NRXN1: variants seen among roughly 807,000 people sequenced by gnomAD.
The protein encoded by NRXN1 is neurexin-1.
A neutral mutation model predicts 150.9 loss-of-function variants in NRXN1; 39 were observed. That is an observed-to-expected ratio of 0.26 (90% CI 0.20 to 0.34). The LOEUF is 0.34. Ranked by LOEUF, NRXN1 falls within the 10% of genes least tolerant of loss-of-function variation. The pLI is 1.00. For synonymous variants in NRXN1, 924 were observed against 757.0 expected (o/e 1.22, Z -3.62); for missense variants, 1,815 against 1,949.9 (o/e 0.93, Z 1.30).
intron 2 of NRXN1, among the ~76,000 whole-genome samples, chr2:50,983,698 G>T (rs1431611167): frequency 6.6e-6 from 1 of 151,886 alleles, no homozygotes; most frequent in East Asian, 1.9e-4. Context: ...CGTAAAAAAA[G>T]AAAAAACATA....
intron 19 of NRXN1, among the ~76,000 whole-genome samples, chr2:50,087,633 G>T (rs1048743275): frequency 6.6e-6 from 1 of 152,018 alleles, no homozygotes; most frequent in African/African-American, 2.4e-5. Context: ...AACTTTAAAT[G>T]GTTTGTAAAA....
intron 12 of NRXN1, among the ~76,000 whole-genome samples, chr2:50,518,162 T>A (rs1391397012): frequency 6.6e-6 from 1 of 152,046 alleles, no homozygotes; most frequent in Non-Finnish European, 1.5e-5. Context: ...AGAATTACAT[T>A]TACAACACAG....
intron 18 of NRXN1, among the ~76,000 whole-genome samples, chr2:50,109,749 C>T (rs144455334): frequency 6.6e-6 from 1 of 152,266 alleles, no homozygotes; most frequent in African/African-American, 2.4e-5. Context: ...GCTACCTTCA[C>T]TTTGGTTGAG....
intron 5 of NRXN1, among the ~76,000 whole-genome samples, chr2:50,700,255 G>A (rs909590542): frequency 6.6e-6 from 1 of 152,112 alleles, no homozygotes; most frequent in Non-Finnish European, 1.5e-5. Context: ...AGCTCCATTT[G>A]GAAAAGTAAC....
intron 2 of NRXN1, among the ~76,000 whole-genome samples, chr2:50,928,490 G>A (rs568439007): frequency 1.3e-5 from 2 of 152,128 alleles, no homozygotes; most frequent in Admixed American, 1.3e-4. Flanking sequence ...ACTGGTGGTA[G>A]CTCCAGCATT....
chr2:50,717,422 A>G (rs1019542155), intron 5 of NRXN1, among the ~76,000 whole-genome samples: 5 of 152,172 alleles, frequency 3.3e-5, no homozygotes, highest in African/African-American at 1.2e-4. Flanking sequence ...AGTTGGAACA[A>G]CATCTGTGTT....
At chr2:49,926,245 A>G (rs1203920920) in intron 22 of NRXN1, 3 of 397,770 alleles carry the variant, frequency 7.5e-6, no homozygotes, top group Non-Finnish European at 8.9e-6. Flanking sequence ...CCAAATGGCT[A>G]TAGAAAAATC....
At chr2:50,544,988 C>G (rs2093463588) in intron 9 of NRXN1, among the ~76,000 whole-genome samples, 1 of 151,928 alleles carries the variant, frequency 6.6e-6, no homozygotes, top group Non-Finnish European at 1.5e-5. Context: ...ATAATCTTGA[C>G]TATAGAAAAA....
At position 50,689,004 on chromosome 2, in the gene NRXN1, C is replaced by A. The variant is rs189165580; in HGVS notation, c.833-65389G>T. On this transcript the variant is annotated intron_variant, in intron 5 of 22. Coordinates refer to ENST00000401669, the MANE Select transcript of NRXN1 (RefSeq NM_001330078.2). The stretch of plus-strand genomic sequence containing the variant: ...GACTTATAAAAATAAATATACATAC[C>A]CCTTTACTACTAATAGTAGGGTTTT... Among the ~76,000 whole-genome samples the A allele has an allele frequency of 2.5e-3, 374 of 152,112 alleles. 1 individual carries two copies. The highest frequency in any genetic ancestry group is 4.5e-3 in the Non-Finnish European group (309 of 68,008).
At chr2:50,285,612 A>C (rs73930331) in intron 17 of NRXN1, among the ~76,000 whole-genome samples, 5,326 of 152,280 alleles carry the variant, frequency 0.035, 331 homozygotes, top group African/African-American at 0.12. Context: ...TATAACTAAA[A>C]GACTGAGAGA....
rs569361117 is a variant in NRXN1, at chr2:49,928,064, G to A, written c.4217-5813C>T. On this transcript the variant is annotated intron_variant, in intron 22 of 22. Coordinates refer to ENST00000401669, the MANE Select transcript of NRXN1 (RefSeq NM_001330078.2). The stretch of plus-strand genomic sequence containing the variant: ...AATGGAAATTCAGCTTTTGAGCTTT[G>A]AGAAAAAGATTGTAAGAAACTACCA... Among the ~76,000 whole-genome samples, 15 of 151,470 alleles carry A rather than the reference G, an allele frequency of 9.9e-5. No homozygotes were observed. In the South Asian group the frequency reaches 3.1e-3, roughly 32 times the overall value.
At chr2:50,969,645 G>T (rs1189418593) in intron 2 of NRXN1, among the ~76,000 whole-genome samples, 1 of 152,140 alleles carries the variant, frequency 6.6e-6, no homozygotes, top group African/African-American at 2.4e-5. Flanking sequence ...AATAAAAAGA[G>T]TTTTAAAATC....
At chr2:50,676,812 A>G (rs1290524619) in intron 5 of NRXN1, among the ~76,000 whole-genome samples, 1 of 152,200 alleles carries the variant, frequency 6.6e-6, no homozygotes, top group East Asian at 1.9e-4. Flanking sequence ...TAAAGAGAAA[A>G]TAAGCTATTT....
intron 5 of NRXN1, among the ~76,000 whole-genome samples, chr2:50,817,411 A>G (rs1170143643): frequency 6.6e-6 from 1 of 150,910 alleles, no homozygotes; most frequent in Non-Finnish European, 1.5e-5. Context: ...GCACTGGAGA[A>G]TTACACAAAA....
intron 17 of NRXN1, among the ~76,000 whole-genome samples, chr2:50,414,618 C>T (rs920115064): frequency 1.3e-5 from 2 of 151,922 alleles, no homozygotes; most frequent in Admixed American, 1.3e-4. Flanking sequence ...TACTATCCTT[C>T]TTAATTCATA....
chr2:50,227,371 C>G (rs868401801), intron 18 of NRXN1, among the ~76,000 whole-genome samples: 2 of 151,938 alleles, frequency 1.3e-5, no homozygotes, highest in South Asian at 4.1e-4. Flanking sequence ...GACAACTGAA[C>G]AGGGAGCCCA....
intron 2 of NRXN1, among the ~76,000 whole-genome samples, chr2:50,954,727 A>C (rs2104625015): frequency 6.6e-6 from 1 of 152,338 alleles, no homozygotes; most frequent in East Asian, 1.9e-4. Flanking sequence ...CCAGTTCTTT[A>C]TAAACTGTGA....
intron 5 of NRXN1, among the ~76,000 whole-genome samples, chr2:50,666,109 G>C (rs1240960280): frequency 2.0e-5 from 3 of 151,934 alleles, no homozygotes; most frequent in African/African-American, 7.2e-5. Flanking sequence ...TGTCACTACA[G>C]ATTAGTTTAC....
intron 2 of NRXN1, among the ~76,000 whole-genome samples, chr2:50,929,046 C>A (rs1215803045): frequency 6.6e-6 from 1 of 152,046 alleles, no homozygotes; most frequent in Non-Finnish European, 1.5e-5. Flanking sequence ...GAATATCAAT[C>A]ATGCTATGAA....
Sources: gnomAD v4.1 joint callset for allele counts (sites outside exome capture counted in the v4.1 genomes callset) on GRCh38, gnomAD v4.1.1 for gene constraint, MANE v1.5 for transcripts, NCBI Gene and HGNC (gene_info 2026-07-23, HGNC 2026-07-21) for gene names.